Variants in SHISA9 observed in about 807,000 individuals in gnomAD.
The protein encoded by SHISA9 is protein shisa-9.
Under a neutral mutation model 38.0 loss-of-function variants are expected in SHISA9, and 13 were observed. That is an observed-to-expected ratio of 0.34 (90% CI 0.22 to 0.54). The LOEUF is 0.54. Among genes scored for constraint, SHISA9 ranks in the 20% least tolerant of loss-of-function variants. The pLI is 0.91. For missense variants in SHISA9, 538 were observed against 575.8 expected (o/e 0.93, Z 0.67); for synonymous variants, 275 against 242.0 (o/e 1.14, Z -1.27).
intron 2 of SHISA9, among the ~76,000 whole-genome samples, chr16:13,138,139 G>C (rs1221898024): frequency 6.6e-6 from 1 of 152,168 alleles, no homozygotes; most frequent in Non-Finnish European, 1.5e-5. Flanking sequence ...TTGAGTGGCT[G>C]TGCTCTAGGA....
At chr16:13,369,385 A>G in the SHISA9 span, among the ~76,000 whole-genome samples, 124 of 152,276 alleles carry the variant, frequency 8.1e-4, no homozygotes, top group African/African-American at 2.7e-3. Context: ...CTGGTTTATT[A>G]AATGAATCTA....
chr16:13,561,190 T>C, the SHISA9 span, among the ~76,000 whole-genome samples: 1 of 152,142 alleles, frequency 6.6e-6, no homozygotes, highest in East Asian at 1.9e-4. Context: ...GAATATCATA[T>C]GTACACTAGG....
At chr16:13,226,042 C>G (rs757570332) in intron 4 of SHISA9, among the ~76,000 whole-genome samples, 12 of 152,136 alleles carry the variant, frequency 7.9e-5, no homozygotes, top group South Asian at 2.1e-4. Flanking sequence ...TAGGTTAATG[C>G]ATTTATTAAT....
At chr16:13,482,359 C>T in the SHISA9 span, among the ~76,000 whole-genome samples, 4 of 152,356 alleles carry the variant, frequency 2.6e-5, no homozygotes, top group South Asian at 2.1e-4. Flanking sequence ...GGCTTAGAGA[C>T]GTATCAGCTG....
At chr16:12,924,051 C>CAG (rs34891649) in intron 2 of SHISA9, among the ~76,000 whole-genome samples, 3 of 151,692 alleles carry the variant, frequency 2.0e-5, no homozygotes, top group Non-Finnish European at 2.9e-5. Context: ...CCAAATTATC[C>CAG]AGAGAGAGAG....
At chr16:13,186,413 T>C (rs60970642) in intron 2 of SHISA9, among the ~76,000 whole-genome samples, 3 of 147,042 alleles carry the variant, frequency 2.0e-5, no homozygotes, top group African/African-American at 7.5e-5. Flanking sequence ...TTCTCCTGCC[T>C]CAGCCTCCTG....
At chr16:13,187,342 T>TC (rs1567239863) in intron 2 of SHISA9, among the ~76,000 whole-genome samples, 1 of 142,878 alleles carries the variant, frequency 7.0e-6, no homozygotes. Context: ...TTTTTTTTTT[T>TC]TTTTTTTTTT....
intron 2 of SHISA9, among the ~76,000 whole-genome samples, chr16:13,181,312 T>TACACAC (rs1217237745): frequency 4.7e-4 from 16 of 34,092 alleles, no homozygotes; most frequent in African/African-American, 1.6e-3. Flanking sequence ...TATATATATA[T>TACACAC]ACACACACAC....
At chr16:13,359,270 C>G in the SHISA9 span, among the ~76,000 whole-genome samples, 4 of 151,762 alleles carry the variant, frequency 2.6e-5, no homozygotes, top group Non-Finnish European at 5.9e-5. Flanking sequence ...CATTTGAGGT[C>G]AGGAGTTCAA....
intron 2 of SHISA9, among the ~76,000 whole-genome samples, chr16:13,136,754 GAGTCCTTTCTACTGATA>G (rs2050353128): frequency 6.6e-6 from 1 of 152,146 alleles, no homozygotes; most frequent in Non-Finnish European, 1.5e-5. Flanking sequence ...TCTGGAATAA[GAGTCCTTTCTACTGATA>G]AGTCCACACC....
At chr16:12,970,104 T>G (rs2141806472) in intron 2 of SHISA9, among the ~76,000 whole-genome samples, 1 of 151,054 alleles carries the variant, frequency 6.6e-6, no homozygotes, top group African/African-American at 2.4e-5. Flanking sequence ...TTTATTTCCC[T>G]TTATGTATTT....
intron 2 of SHISA9, among the ~76,000 whole-genome samples, chr16:12,983,967 A>C (rs570170356): frequency 6.6e-6 from 1 of 152,208 alleles, no homozygotes; most frequent in Admixed American, 6.5e-5. Context: ...TTCTGTTCAT[A>C]ATTCCTACAT....
Position 13,236,933 on chromosome 16 carries a change from G to T in SHISA9, c.*1524G>T, listed in dbSNP as rs1301748039. On this transcript the variant is annotated 3_prime_UTR_variant, in exon 5 of 5. Transcript: ENST00000558583. The stretch of plus-strand genomic sequence containing the variant: ...TTCTGGTTGGTTCTCATAATCCATA[G>T]TCCTTGGGGTCCCAGCAAAGTCAGT... The T allele has an allele frequency of 6.6e-6, 1 of 152,176 alleles. No homozygotes were observed. The highest frequency in any genetic ancestry group is 1.5e-5 in the Non-Finnish European group (1 of 68,040). The allele number at this position is 152,176 out of a possible 1,614,324, so 9.4% of individuals were successfully genotyped here.
intron 1 of SHISA9, among the ~76,000 whole-genome samples, chr16:12,914,995 G>C (rs1320571688): frequency 6.6e-6 from 1 of 152,200 alleles, no homozygotes; most frequent in Non-Finnish European, 1.5e-5. Flanking sequence ...ATTCATGGGT[G>C]GTCTGCGTGG....
intron 2 of SHISA9, among the ~76,000 whole-genome samples, chr16:12,927,945 A>G (rs1302911841): frequency 2.0e-5 from 3 of 152,216 alleles, no homozygotes; most frequent in African/African-American, 7.2e-5. Flanking sequence ...AACAATTAGA[A>G]GAATTGGAGA....
chr16:13,437,855 T>C, the SHISA9 span, among the ~76,000 whole-genome samples: 567 of 60,152 alleles, frequency 9.4e-3, 7 homozygotes, highest in African/African-American at 0.029. Flanking sequence ...TTCCTAGCAC[T>C]TTTTTTTTCT....
At chr16:13,361,130 C>T in the SHISA9 span, among the ~76,000 whole-genome samples, 1 of 152,324 alleles carries the variant, frequency 6.6e-6, no homozygotes, top group South Asian at 2.1e-4. Context: ...TTCCCATACT[C>T]ATGGATGATT....
intron 1 of SHISA9, chr16:12,909,271 G>A: frequency 1.0e-6 from 1 of 984,730 alleles, no homozygotes; most frequent in East Asian, 1.1e-4. Context: ...TGTGTAGTTT[G>A]ATGAGCTTGG....
intron 2 of SHISA9, among the ~76,000 whole-genome samples, chr16:12,944,224 A>T (rs1567347929): frequency 6.6e-6 from 1 of 152,218 alleles, no homozygotes; most frequent in Admixed American, 6.5e-5. Flanking sequence ...TCAGCCTAGT[A>T]CAATGTCTGG....
Sources: gnomAD v4.1 joint callset for allele counts (sites outside exome capture counted in the v4.1 genomes callset) on GRCh38, gnomAD v4.1.1 for gene constraint, MANE v1.5 for transcripts, NCBI Gene and HGNC (gene_info 2026-07-23, HGNC 2026-07-21) for gene names.